Variants in NEK1 observed in about 807,000 individuals in gnomAD.
NEK1 encodes serine/threonine-protein kinase Nek1.
Under a neutral mutation model 182.1 loss-of-function variants are expected in NEK1, and 137 were observed. The ratio of observed to expected loss-of-function variants is 0.75; its 90% CI spans 0.65 to 0.87. NEK1 has a LOEUF of 0.87. Ranked by LOEUF, NEK1 falls within the 40% of genes least tolerant of loss-of-function variation. The probability of loss-of-function intolerance (pLI) is 0.00; values close to 1 mark genes in which losing one functional copy is unlikely to be tolerated. For missense variants in NEK1, 1,391 were observed against 1,494.4 expected (o/e 0.93, Z 1.14); for synonymous variants, 513 against 492.2 (o/e 1.04, Z -0.56).
At chr4:169,540,009 A>C (rs1759152463) in intron 18 of NEK1, among the ~76,000 whole-genome samples, 1 of 152,112 alleles carries the variant, frequency 6.6e-6, no homozygotes, top group Non-Finnish European at 1.5e-5. Flanking sequence ...ATAGATTTTC[A>C]CACCATTTAT....
Position 169,479,459 on chromosome 4 carries a change from T to C in NEK1, c.2083A>G (p.Lys695Glu), listed in dbSNP as rs767736368. ...GQHETGGSPS[K>E]QQMRSVISVT... The stretch of plus-strand genomic sequence containing the variant: ...GAAATAACAGATCTCATCTGTTGCT[T>C]TGATGGAGAGCCACCTGTTTCATGC... Residue 695 changes from lysine (K) to glutamate (E), a missense_variant, in exon 24 of 36, where the codon AAG (lysine) becomes GAG (glutamate). This residue lies in a region of NEK1 where 1,216 missense variants were observed against 1,277.6 expected (regional missense o/e 0.95). Coordinates refer to ENST00000507142, the MANE Select transcript of NEK1 (RefSeq NM_001199397.3). The C allele has an allele frequency of 2.5e-6, 4 of 1,612,436 alleles. No homozygotes were observed. Among genetic ancestry groups the C allele is most frequent in the East Asian group, 4.5e-5 (2 of 44,824 alleles).
intron 2 of NEK1, among the ~76,000 whole-genome samples, chr4:169,611,616 T>C (rs1772337253): frequency 6.6e-6 from 1 of 152,202 alleles, no homozygotes; most frequent in South Asian, 2.1e-4. Context: ...AGTACAACAA[T>C]TAATGCCTTA....
chr4:169,548,847 T>C (rs1310409207), intron 18 of NEK1, among the ~76,000 whole-genome samples: 1 of 151,870 alleles, frequency 6.6e-6, no homozygotes, highest in Non-Finnish European at 1.5e-5. Context: ...CCAGGTAGAG[T>C]TCAGACTGCT....
At chr4:169,513,163 C>G (rs944717784) in intron 19 of NEK1, among the ~76,000 whole-genome samples, 2 of 152,136 alleles carry the variant, frequency 1.3e-5, no homozygotes, top group African/African-American at 2.4e-5. Context: ...ATTGCATTAT[C>G]TCTCCAATTT....
At chr4:169,595,452 C>T (rs1047362694) in intron 5 of NEK1, among the ~76,000 whole-genome samples, 1 of 152,070 alleles carries the variant, frequency 6.6e-6, no homozygotes, top group African/African-American at 2.4e-5. Context: ...AATAGTTTTA[C>T]ATATTTTTAC....
At chr4:169,512,937 A>G (rs944959179) in intron 19 of NEK1, among the ~76,000 whole-genome samples, 9 of 152,078 alleles carry the variant, frequency 5.9e-5, no homozygotes, top group African/African-American at 2.2e-4. Context: ...GGGACTCTCC[A>G]TAGTGTTTCA....
intron 12 of NEK1, among the ~76,000 whole-genome samples, chr4:169,572,591 A>G (rs1399842484): frequency 2.0e-5 from 3 of 152,208 alleles, no homozygotes; most frequent in Admixed American, 2.0e-4. Context: ...TGGATACAAA[A>G]AAGAAGATAT....
intron 23 of NEK1, among the ~76,000 whole-genome samples, chr4:169,482,337 G>C (rs909448798): frequency 1.3e-5 from 2 of 152,116 alleles, no homozygotes; most frequent in Non-Finnish European, 2.9e-5. Context: ...ACCCAGGCTG[G>C]AGTGCAGATC....
At chr4:169,472,402 C>G (rs1022252938) in intron 26 of NEK1, among the ~76,000 whole-genome samples, 1 of 152,124 alleles carries the variant, frequency 6.6e-6, no homozygotes, top group Non-Finnish European at 1.5e-5. Flanking sequence ...TTCCTCAACC[C>G]CTTGCGCTTC....
chr4:169,425,995 C>T, intron 30 of NEK1, 151 bp downstream of exon 30: 1 of 579,378 alleles, frequency 1.7e-6, no homozygotes, highest in Non-Finnish European at 3.0e-6. Flanking sequence ...TTAATGTAGT[C>T]CAGTGTGCTA....
chr4:169,536,455 TAA>T (rs1282650204), intron 19 of NEK1, among the ~76,000 whole-genome samples: 3 of 150,054 alleles, frequency 2.0e-5, no homozygotes, highest in South Asian at 4.2e-4. Flanking sequence ...AAGCCAGAGG[TAA>T]AAAGTTTCAA....
At chr4:169,428,691 C>G (rs959376123) in intron 29 of NEK1, among the ~76,000 whole-genome samples, 2 of 151,926 alleles carry the variant, frequency 1.3e-5, no homozygotes, top group South Asian at 2.1e-4. Context: ...TTGACTTGTA[C>G]AATTTTAAAT....
chr4:169,579,487 G>T (rs946419695), intron 11 of NEK1, among the ~76,000 whole-genome samples: 2 of 152,118 alleles, frequency 1.3e-5, no homozygotes, highest in Non-Finnish European at 2.9e-5. Flanking sequence ...GAGAGGATGT[G>T]TAAGGGTCTT....
At chr4:169,565,309 C>T (rs1435180955) in intron 12 of NEK1, among the ~76,000 whole-genome samples, 3 of 152,116 alleles carry the variant, frequency 2.0e-5, no homozygotes, top group African/African-American at 7.2e-5. Flanking sequence ...TATAGCAGAC[C>T]CTGCTACTTT....
chr4:169,568,446 G>T (rs1368421196), intron 12 of NEK1, among the ~76,000 whole-genome samples: 1 of 151,818 alleles, frequency 6.6e-6, no homozygotes, highest in African/African-American at 2.4e-5. Context: ...TTGATCCACG[G>T]CACATTTTTT....
In NEK1 at chr4:169,393,865, A is replaced by T. The variant is rs1351485773; in HGVS notation, c.*645T>A. ...TTAAACCAACTTTTTATATGTCAAG[A>T]AATATAATTTTGCTATTCTTTCATA... On this transcript the variant is annotated 3_prime_UTR_variant, in exon 36 of 36. Coordinates refer to ENST00000507142, the MANE Select transcript of NEK1 (RefSeq NM_001199397.3). 2.0e-5 allele frequency: 3 copies of T among 152,200 alleles called. No homozygotes were observed. The highest frequency in any genetic ancestry group is 7.2e-5 in the African/African-American group (3 of 41,446). 9.4% of individuals were successfully genotyped at this position (152,200 alleles called of 1,614,324 possible).
Position 169,507,757 on chromosome 4 carries a change from ACTTC to A in NEK1, c.1865_1868del (p.Gly622ValfsTer6). The stretch of plus-strand genomic sequence containing the variant: ...TTTTGCGCCTCATGTCAGCCTCTTC[ACTTC>A]CTTCTTGTCCTTCAGAATGATTAGC... On this transcript the variant is annotated frameshift_variant, in exon 22 of 36. Coordinates refer to ENST00000507142, the MANE Select transcript of NEK1 (RefSeq NM_001199397.3). LOFTEE classifies it high-confidence loss of function. The A allele has an allele frequency of 6.2e-7, 1 of 1,613,176 alleles. No individual in the cohort carries two copies. Among genetic ancestry groups the A allele is most frequent in the Non-Finnish European group, 8.5e-7 (1 of 1,179,520 alleles).
chr4:169,450,788 A>G (rs1456466389), intron 27 of NEK1, among the ~76,000 whole-genome samples: 2 of 152,234 alleles, frequency 1.3e-5, no homozygotes, highest in African/African-American at 2.4e-5. Flanking sequence ...TAATGACAGG[A>G]TCAAATTCAC....
At chr4:169,541,871 A>G (rs1759481460) in intron 18 of NEK1, among the ~76,000 whole-genome samples, 1 of 152,174 alleles carries the variant, frequency 6.6e-6, no homozygotes, top group African/African-American at 2.4e-5. Context: ...AAACCCCACG[A>G]TGATCCAACC....
Sources: allele counts gnomAD v4.1 joint callset (sites outside exome capture counted in the v4.1 genomes callset), GRCh38; gene constraint gnomAD v4.1.1; regional missense constraint gnomAD v4.1.1; transcripts MANE v1.5; gene names NCBI Gene and HGNC (gene_info 2026-07-23, HGNC 2026-07-21).